The following MEP1A variants were observed in gnomAD, a reference collection of about 807,000 sequenced individuals.
MEP1A encodes N-benzoyl-L-tyrosyl-P-amino-benzoic acid hydrolase subunit alpha.
A neutral mutation model predicts 84.5 loss-of-function variants in MEP1A; 68 were observed. That is an observed-to-expected ratio of 0.80 (90% CI 0.66 to 0.98). MEP1A has a LOEUF of 0.98. MEP1A is among the 50% of genes least tolerant of loss of function. MEP1A has a pLI of 0.00. For missense variants in MEP1A, 887 were observed against 919.9 expected, an observed-to-expected ratio of 0.96 and a Z score of 0.46; for synonymous variants, 337 against 336.8, an observed-to-expected ratio of 1.00 and a Z score of -0.01.
At chr6:46,828,807 C>T (rs1044962971) in intron 9 of MEP1A, among the ~76,000 whole-genome samples, 2 of 152,146 alleles carry the variant, frequency 1.3e-5, no homozygotes, top group African/African-American at 4.8e-5. Flanking sequence ...CATTTAGTCT[C>T]TAATGTGTCC....
At chr6:46,813,935 G>A (rs896931448) in intron 6 of MEP1A, among the ~76,000 whole-genome samples, 2 of 152,096 alleles carry the variant, frequency 1.3e-5, no homozygotes, top group African/African-American at 4.8e-5. Flanking sequence ...AATCTGATAG[G>A]TTTTCCTTTA....
chr6:46,806,005 A>T (rs1229367584), intron 5 of MEP1A, among the ~76,000 whole-genome samples: 4 of 151,992 alleles, frequency 2.6e-5, no homozygotes, highest in Non-Finnish European at 4.4e-5. Context: ...TTTTAAAATT[A>T]TCCAGTGAAT....
At position 46,834,631 on chromosome 6, in the gene MEP1A, A is replaced by G; in HGVS notation, c.1663A>G (p.Thr555Ala). 6 of 1,611,528 alleles carry G rather than the reference A, an allele frequency of 3.7e-6. No homozygotes were observed. The highest frequency in any genetic ancestry group is 5.1e-6 in the Non-Finnish European group (6 of 1,179,518). Reference protein sequence around the residue: ...DRPSRVGTYHTDCNCFRSIDL... With the variant: ...DRPSRVGTYHADCNCFRSIDL... ...GCCGTCCAGGGTGGGAACCTATCAT[A>G]CGGACTGTAATTGTTTTAGAAGCAT... The change falls in exon 12 of 14, where the codon ACG becomes GCG. Residue 555 changes from threonine (T) to alanine (A), a missense_variant. Physicochemically the swap from Thr to Ala is moderately conservative, Grantham distance 58. Transcript: ENST00000230588.
intron 6 of MEP1A, among the ~76,000 whole-genome samples, chr6:46,818,851 T>A (rs1049438602): frequency 1.3e-5 from 2 of 152,114 alleles, no homozygotes; most frequent in African/African-American, 4.8e-5. Context: ...AAGGGCTAGG[T>A]GCGATGGCTC....
At position 46,838,997 on chromosome 6, in the gene MEP1A, C is replaced by G. The variant is rs1768276937; in HGVS notation, c.2102C>G (p.Ala701Gly). 2 of 1,613,016 alleles carry G rather than the reference C, an allele frequency of 1.2e-6. No individual in the cohort carries two copies. Among genetic ancestry groups the G allele is most frequent in the African/African-American group, 2.7e-5 (2 of 74,900 alleles). The stretch of plus-strand genomic sequence containing the variant: ...TCCCTCAGGTGCATCTCTGGACATG[C>G]TTTCTTCTACACGGGGGAGCGCTGT... ...MASCRCISGH[A>G]FFYTGERCQA... is the part of the protein sequence containing the mutation. Residue 701 changes from alanine (A) to glycine (G), a missense_variant, in exon 14 of 14, where the codon GCT becomes GGT. Ala to Gly is a moderately conservative substitution (Grantham distance 60). Coordinates refer to ENST00000230588, the MANE Select transcript of MEP1A (RefSeq NM_005588.3).
chr6:46,807,811 GA>G (rs1767394136), intron 5 of MEP1A, among the ~76,000 whole-genome samples: 4 of 149,116 alleles, frequency 2.7e-5, no homozygotes, highest in Non-Finnish European at 4.5e-5. Context: ...AAGAAAGAAA[GA>G]AAGAAAGAAA....
downstream of MEP1A, among the ~76,000 whole-genome samples, chr6:46,840,524 C>T (rs978511077): frequency 2.0e-5 from 3 of 152,178 alleles, no homozygotes; most frequent in Non-Finnish European, 4.4e-5. Flanking sequence ...ACCTTGAGAA[C>T]CACTGCTCTA....
intron 10 of MEP1A, among the ~76,000 whole-genome samples, chr6:46,830,936 A>C (rs1768061397): frequency 6.6e-6 from 1 of 152,196 alleles, no homozygotes; most frequent in Non-Finnish European, 1.5e-5. Flanking sequence ...AATGAGTTAG[A>C]GTTTCAATAA....
At chr6:46,805,529 A>G (rs560533866) in intron 5 of MEP1A, among the ~76,000 whole-genome samples, 1 of 151,812 alleles carries the variant, frequency 6.6e-6, no homozygotes, top group African/African-American at 2.4e-5. Context: ...AGTGTTCTTT[A>G]TATATTTTGG....
At chr6:46,837,585 C>T (rs531641906) in intron 13 of MEP1A, among the ~76,000 whole-genome samples, 3 of 152,298 alleles carry the variant, frequency 2.0e-5, no homozygotes, top group African/African-American at 7.2e-5. Flanking sequence ...TGCCAGATTC[C>T]ATTATGTGTC....
At chr6:46,826,606 C>A (rs1581684423) in intron 9 of MEP1A, 103 bp downstream of exon 9, 10 of 1,035,130 alleles carry the variant, frequency 9.7e-6, no homozygotes, top group Admixed American at 3.1e-5. Context: ...AGTTATCAAA[C>A]TTGAAAATCT....
intron 6 of MEP1A, 35 bp downstream of exon 6, chr6:46,809,572 A>G (rs773899364): frequency 2.1e-6 from 3 of 1,402,020 alleles, no homozygotes; most frequent in Admixed American, 1.8e-5. Context: ...AAAATCATGC[A>G]TACTTTGGTT....
At chr6:46,815,909 T>A (rs1051435753) in intron 6 of MEP1A, among the ~76,000 whole-genome samples, 1 of 152,146 alleles carries the variant, frequency 6.6e-6, no homozygotes, top group African/African-American at 2.4e-5. Context: ...ACCTGAGTAG[T>A]TACTTTTGGA....
At position 46,813,048 on chromosome 6, in the gene MEP1A, A is replaced by G. The variant is rs542038765; in HGVS notation, c.380+3511A>G. On this transcript the variant is annotated intron_variant, in intron 6 of 13. Coordinates refer to ENST00000230588, the MANE Select transcript of MEP1A (RefSeq NM_005588.3). Reference sequence around the variant, plus strand: ...GACTTTCTGTCTTGATGACCTGTCTAGTGCCGTCAGTGAGTATTAAAGTCC... The same window carrying G: ...GACTTTCTGTCTTGATGACCTGTCTGGTGCCGTCAGTGAGTATTAAAGTCC... 3.1e-4 allele frequency among the ~76,000 whole-genome samples: 47 copies of G among 152,210 alleles called. 1 individual carries two copies. The South Asian group carries it at 4.6e-3, about 15-fold the overall frequency.
intron 6 of MEP1A, among the ~76,000 whole-genome samples, chr6:46,818,256 A>T (rs1014763926): frequency 2.0e-5 from 3 of 152,202 alleles, no homozygotes; most frequent in African/African-American, 7.2e-5. Flanking sequence ...TAATAAAGTT[A>T]TTAGAAAATA....
In MEP1A at chr6:46,833,525, G is replaced by T. The variant is rs775075027; in HGVS notation, c.1596G>T (p.Ser532=). ...GCATGGTGTTCACTACCTCGAAGTC[G>T]CACACATCTCCAGGTGGGTGGTGTC... ...SSSMVFTTSK[S]HTSPAINDTV... Residue 532 remains serine, a synonymous_variant, in exon 11 of 14, where the codon TCG becomes TCT. Transcript: ENST00000230588. 10 of 1,613,460 alleles carry T rather than the reference G, an allele frequency of 6.2e-6. No individual in the cohort carries two copies. Among genetic ancestry groups the T allele is most frequent in the Non-Finnish European group, 8.5e-6 (10 of 1,179,588 alleles).
At chr6:46,835,944 T>G (rs750886654) in intron 13 of MEP1A, among the ~76,000 whole-genome samples, 1 of 152,218 alleles carries the variant, frequency 6.6e-6, no homozygotes, top group African/African-American at 2.4e-5. Context: ...CTAATTATTA[T>G]TAGTTCTATA....
intron 6 of MEP1A, among the ~76,000 whole-genome samples, chr6:46,815,528 T>G (rs1767616024): frequency 6.6e-6 from 1 of 152,170 alleles, no homozygotes; most frequent in African/African-American, 2.4e-5. Flanking sequence ...GCCTCCTTGT[T>G]GAGAAAGCAA....
At chr6:46,815,971 C>T (rs1308161826) in intron 6 of MEP1A, among the ~76,000 whole-genome samples, 1 of 152,112 alleles carries the variant, frequency 6.6e-6, no homozygotes, top group African/African-American at 2.4e-5. Flanking sequence ...GAGTCTCTCT[C>T]TGTCAGCCAG....
Sources: allele counts gnomAD v4.1 joint callset (sites outside exome capture counted in the v4.1 genomes callset), GRCh38; gene constraint gnomAD v4.1.1; transcripts MANE v1.5; gene names NCBI Gene and HGNC (gene_info 2026-07-23, HGNC 2026-07-21).